MFN1: variants seen among roughly 807,000 people sequenced by gnomAD.
MFN1 encodes the protein mitofusin 1.
MFN1 carries 65 observed loss-of-function variants against 92.4 expected under a neutral mutation model. That is an observed-to-expected ratio of 0.70 (90% CI 0.58 to 0.86). The LOEUF is 0.86. MFN1 is among the 40% of genes least tolerant of loss of function. The pLI is 0.00. For missense variants in MFN1, 781 were observed against 868.0 expected, an observed-to-expected ratio of 0.90 and a Z score of 1.26; for synonymous variants, 297 against 300.9, an observed-to-expected ratio of 0.99 and a Z score of 0.13.
chr3:179,375,115 A>G (rs1713187511), intron 9 of MFN1, 105 bp from the exon 10 acceptor site: 1 of 1,251,274 alleles, frequency 8.0e-7, no homozygotes, highest in African/African-American at 1.5e-5. Flanking sequence ...TTCTATCTTT[A>G]TTTCTGTTTG....
At chr3:179,380,093 T>C (rs1158840832) in intron 14 of MFN1, among the ~76,000 whole-genome samples, 1 of 152,092 alleles carries the variant, frequency 6.6e-6, no homozygotes, top group Non-Finnish European at 1.5e-5. Flanking sequence ...AATAGGCTGG[T>C]TAGAGAAATT....
chr3:179,364,921 T>G (rs1481703854), intron 6 of MFN1, among the ~76,000 whole-genome samples, 197 bp from the exon 7 acceptor site: 1 of 152,246 alleles, frequency 6.6e-6, no homozygotes, highest in Non-Finnish European at 1.5e-5. Flanking sequence ...AATCTAATAT[T>G]CAAAATTATA....
In MFN1 at chr3:179,367,526, T is replaced by A; in HGVS notation, c.841T>A (p.Phe281Ile). The A allele has an allele frequency of 6.2e-7, 1 of 1,613,912 alleles. No homozygotes were observed. Among genetic ancestry groups the A allele is most frequent in the East Asian group, 2.2e-5 (1 of 44,862 alleles). The change falls in exon 8 of 18, where the codon TTC becomes ATC. Residue 281 changes from phenylalanine to isoleucine, a missense_variant. Phe to Ile is a conservative substitution (Grantham distance 21). Coordinates refer to ENST00000471841, the MANE Select transcript of MFN1 (RefSeq NM_033540.3). ...VNALEAQNRI[F>I]FVSAKEVLSA... The stretch of plus-strand genomic sequence containing the variant: ...TGCTTTAGAAGCACAGAATCGTATC[T>A]TCTTTGTTTCAGCAAAGGAAGTTCT...
rs1396198191 is a variant in MFN1, at chr3:179,390,087, C to T, written c.2096C>T (p.Pro699Leu). Reference protein sequence around the residue: ...KQLEEEIARLPKEIDQLEKIQ... With the variant: ...KQLEEEIARLLKEIDQLEKIQ... Reference sequence around the variant, plus strand: ...CTGGAAGAAGAAATTGCTAGATTACCCAAAGAAATAGATCAGTTGGAGAAA... The same window carrying T: ...CTGGAAGAAGAAATTGCTAGATTACTCAAAGAAATAGATCAGTTGGAGAAA... Residue 699 changes from proline to leucine, a missense_variant, in exon 17 of 18, where the codon CCC (proline) becomes CTC (leucine). Physicochemically the swap from Pro to Leu is moderately conservative, Grantham distance 98. Coordinates refer to ENST00000471841, the MANE Select transcript of MFN1 (RefSeq NM_033540.3). The T allele has an allele frequency of 6.2e-7, 1 of 1,605,802 alleles. No individual in the cohort carries two copies. Among genetic ancestry groups the T allele is most frequent in the South Asian group, 1.1e-5 (1 of 89,046 alleles).
chr3:179,358,075 C>A (rs940342601), intron 3 of MFN1, among the ~76,000 whole-genome samples: 19 of 151,784 alleles, frequency 1.3e-4, no homozygotes, highest in African/African-American at 4.6e-4. Context: ...TGCATATATT[C>A]CAGGGAACAA....
At chr3:179,387,402 C>G (rs945052213) in intron 16 of MFN1, among the ~76,000 whole-genome samples, 1 of 151,832 alleles carries the variant, frequency 6.6e-6, no homozygotes, top group South Asian at 2.1e-4. Context: ...AAAAATTAGC[C>G]GGGCATGGTA....
chr3:179,365,608 T>C (rs1002747719), intron 7 of MFN1, among the ~76,000 whole-genome samples: 1 of 152,140 alleles, frequency 6.6e-6, no homozygotes, highest in African/African-American at 2.4e-5. Context: ...AAAATCCAGA[T>C]CAAAAAGCAG....
chr3:179,349,084 C>T (rs891611713), intron 2 of MFN1, 121 bp downstream of exon 2: 16 of 684,686 alleles, frequency 2.3e-5, no homozygotes, highest in South Asian at 3.9e-5. Context: ...TGAGAAGTAC[C>T]ATAATGAATA....
chr3:179,369,190 C>T (rs1380830375), intron 9 of MFN1, among the ~76,000 whole-genome samples: 1 of 150,792 alleles, frequency 6.6e-6, no homozygotes, highest in Non-Finnish European at 1.5e-5. Context: ...TTGCTTTCAC[C>T]AAAGGGTTGA....
In MFN1 at chr3:179,392,162, C is replaced by T; in HGVS notation, c.*103C>T. ...TTACTTTAAATATGAATTGTACTAA[C>T]TGTACCTAAATAGCAAAGCCCTGTG... On this transcript the variant is annotated 3_prime_UTR_variant, in exon 18 of 18. Transcript: ENST00000471841. 1.4e-6 allele frequency: 1 copy of T among 735,460 alleles called. No homozygotes were observed. The highest frequency in any genetic ancestry group is 1.8e-5 in the South Asian group (1 of 55,618). The allele number at this position is 735,460 out of a possible 1,614,324, so 45.6% of individuals were successfully genotyped here.
At chr3:179,390,513 A>C (rs536382040) in intron 17 of MFN1, among the ~76,000 whole-genome samples, 1 of 152,318 alleles carries the variant, frequency 6.6e-6, no homozygotes, top group South Asian at 2.1e-4. Flanking sequence ...TTCTGTTTTC[A>C]TGGGGGACTA....
chr3:179,381,391 C>A (rs3976523), intron 14 of MFN1, among the ~76,000 whole-genome samples: 107,047 of 152,160 alleles, frequency 0.7, 38,054 homozygotes, highest in African/African-American at 0.79. Flanking sequence ...TACTGTGTAC[C>A]GGAACTTTTT....
intron 14 of MFN1, 127 bp from the exon 15 acceptor site, chr3:179,385,442 G>C (rs1713641725): frequency 1.4e-6 from 1 of 694,914 alleles, no homozygotes; most frequent in African/African-American, 1.8e-5. Context: ...ACATATATTT[G>C]TGGTGTACTC....
chr3:179,368,675 T>G (rs1712899507), intron 9 of MFN1, among the ~76,000 whole-genome samples: 1 of 152,106 alleles, frequency 6.6e-6, no homozygotes, highest in Non-Finnish European at 1.5e-5. Context: ...AGTGCCTGAG[T>G]GGTAGATGGG....
intron 13 of MFN1, 34 bp from the exon 14 acceptor site, chr3:179,378,551 C>T (rs1560198518): frequency 6.4e-7 from 1 of 1,551,076 alleles, no homozygotes; most frequent in Non-Finnish European, 8.8e-7. Flanking sequence ...ATTTACCATT[C>T]TTATCTTAAG....
chr3:179,368,300 G>A (rs1174368041), intron 9 of MFN1, among the ~76,000 whole-genome samples, 197 bp downstream of exon 9: 2 of 152,080 alleles, frequency 1.3e-5, no homozygotes, highest in Non-Finnish European at 2.9e-5. Flanking sequence ...GAGAATTAAA[G>A]ATTGTAATTT....
At chr3:179,387,915 T>G (rs1713754637) in intron 16 of MFN1, among the ~76,000 whole-genome samples, 2 of 152,056 alleles carry the variant, frequency 1.3e-5, no homozygotes, top group African/African-American at 4.8e-5. Context: ...GTATTTTTAG[T>G]AGAGATGGGG....
At chr3:179,382,780 G>A (rs1713521387) in intron 14 of MFN1, among the ~76,000 whole-genome samples, 1 of 152,194 alleles carries the variant, frequency 6.6e-6, no homozygotes, top group South Asian at 2.1e-4. Context: ...GGTGTGAGAT[G>A]ATATCTCATT....
At chr3:179,369,154 T>C (rs1163095012) in intron 9 of MFN1, among the ~76,000 whole-genome samples, 1 of 152,192 alleles carries the variant, frequency 6.6e-6, no homozygotes, top group African/African-American at 2.4e-5. Context: ...ACTCAAAGAC[T>C]ATTGTTTGTT....
Sources: allele counts gnomAD v4.1 joint callset (sites outside exome capture counted in the v4.1 genomes callset), GRCh38; gene constraint gnomAD v4.1.1; transcripts MANE v1.5; gene names NCBI Gene and HGNC (gene_info 2026-07-23, HGNC 2026-07-21).